CACNA1C: variants seen among roughly 807,000 people sequenced by gnomAD.
CACNA1C encodes voltage-dependent L-type calcium channel subunit alpha-1C.
A neutral mutation model predicts 229.0 loss-of-function variants in CACNA1C; 30 were observed. The observed-to-expected ratio is 0.13, with a 90% confidence interval of 0.10 to 0.18. The LOEUF (loss-of-function observed/expected upper bound fraction) is 0.18. Among genes scored for constraint, CACNA1C ranks in the 10% least tolerant of loss-of-function variants. The pLI, the probability that CACNA1C is intolerant of heterozygous loss-of-function variation, is 1.00. For synonymous variants in CACNA1C, 1,114 were observed against 1,132.5 expected (o/e 0.98, Z 0.33); for missense variants, 1,658 against 2,845.0 (o/e 0.58, Z 9.49).
At chr12:2,567,870 G>A in intron 13 of CACNA1C, 76 bp downstream of exon 13, 1 of 836,162 alleles carries the variant, frequency 1.2e-6, no homozygotes, top group Non-Finnish European at 1.9e-6. Context: ...AGGTGGCAAG[G>A]CCTGGGTGGG....
rs2154551529 is a variant in CACNA1C at position 2,403,043 on chromosome 12, A to G, written c.478-45933A>G. ...GGATCTTCAAGTTAGGGGCATTAGA[A>G]TAGCACTGTGGGGCAGGGCAGAGGG... On this transcript the variant is annotated intron_variant, in intron 3 of 46. Coordinates refer to ENST00000399655, the MANE Select transcript of CACNA1C (RefSeq NM_000719.7). The surrounding 1 kb of genome is among the most constrained non-coding windows in gnomAD (Gnocchi z 4.1). Among the ~76,000 whole-genome samples the G allele has an allele frequency of 6.6e-6, 1 of 152,314 alleles. No individual in the cohort carries two copies. The highest frequency in any genetic ancestry group is 1.5e-5 in the Non-Finnish European group (1 of 68,030).
chr12:2,555,082 C>T (rs2043339733), intron 10 of CACNA1C, among the ~76,000 whole-genome samples: 1 of 152,252 alleles, frequency 6.6e-6, no homozygotes, highest in Non-Finnish European at 1.5e-5. Context: ...ATTTCGTGCT[C>T]AGAATGTGCC....
At chr12:2,081,770 A>G (rs766952330) in intron 1 of CACNA1C, among the ~76,000 whole-genome samples, 6 of 152,130 alleles carry the variant, frequency 3.9e-5, no homozygotes, top group Non-Finnish European at 8.8e-5. Context: ...GTGGGTGCAA[A>G]GATCAGAATT....
intron 8 of CACNA1C, among the ~76,000 whole-genome samples, chr12:2,511,774 G>A (rs1598488487): frequency 6.6e-6 from 1 of 152,214 alleles, no homozygotes; most frequent in Non-Finnish European, 1.5e-5. Context: ...AAGTGAATTC[G>A]AAGTCAGAGA....
At chr12:2,623,032 A>C (rs561523454) in intron 29 of CACNA1C, among the ~76,000 whole-genome samples, 17 of 152,292 alleles carry the variant, frequency 1.1e-4, no homozygotes, top group African/African-American at 3.8e-4. Context: ...TGTACAGGGA[A>C]ATGCCTTAAA....
At chr12:2,094,577 G>A (rs1270274623) in intron 1 of CACNA1C, among the ~76,000 whole-genome samples, 1 of 152,184 alleles carries the variant, frequency 6.6e-6, no homozygotes, top group African/African-American at 2.4e-5. Context: ...TAGGACCTTA[G>A]AGGTCATTTG....
chr12:2,562,558 G>A (rs1451131441), intron 11 of CACNA1C, among the ~76,000 whole-genome samples: 1 of 152,148 alleles, frequency 6.6e-6, no homozygotes, highest in African/African-American at 2.4e-5. Flanking sequence ...AGATAAGACT[G>A]TTTAGTATCA....
intron 3 of CACNA1C, among the ~76,000 whole-genome samples, chr12:2,341,079 C>T (rs2096849370): frequency 6.6e-6 from 1 of 152,178 alleles, no homozygotes; most frequent in Admixed American, 6.5e-5. Context: ...GGTCGAAAGC[C>T]CTGGTCCAGG....
chr12:2,610,703 A>G lies in CACNA1C; in HGVS notation c.3717+4A>G, dbSNP rs1184709095. On this transcript the variant is annotated splice_donor_region_variant and intron_variant, in intron 28 of 46. Coordinates refer to ENST00000399655, the MANE Select transcript of CACNA1C (RefSeq NM_000719.7). ...CACCATCTGCCTGGCCATGCAGGTC[A>G]GTCCCAGGAGGAGCACAGCCATGGT... The G allele has an allele frequency of 2.5e-6, 4 of 1,614,054 alleles. No homozygotes were observed. Among genetic ancestry groups the G allele is most frequent in the Admixed American group, 3.3e-5 (2 of 60,010 alleles).
intron 1 of CACNA1C, among the ~76,000 whole-genome samples, chr12:2,061,865 T>C (rs80030656): frequency 0.019 from 2,967 of 152,322 alleles, 92 homozygotes; most frequent in African/African-American, 0.058. Context: ...AAGTAAACTT[T>C]GGGTTTGGAA....
rs769782016 is a variant in CACNA1C at position 2,549,949 on chromosome 12, T to C, written c.1397T>C (p.Met466Thr). 24 of 1,601,250 alleles carry C rather than the reference T, an allele frequency of 1.5e-5. No homozygotes were observed. Among genetic ancestry groups the C allele is most frequent in the Non-Finnish European group, 2.0e-5 (23 of 1,173,728 alleles). The stretch of plus-strand genomic sequence containing the variant: ...TTCCCTTTGACTCTTGCAGTGAGCA[T>C]GCCCACCAGTGAGACCGAGTCCGTC... ...MDEEKPRNMS[M>T]PTSETESVNT... The change falls in exon 10 of 47, where the codon ATG becomes ACG. Residue 466 changes from methionine to threonine, a missense_variant. Transcript: ENST00000399655.
At chr12:2,177,634 C>CTCTCTT (rs1555275141) in intron 3 of CACNA1C, among the ~76,000 whole-genome samples, 10 of 112,872 alleles carry the variant, frequency 8.9e-5, no homozygotes, top group Non-Finnish European at 1.4e-4. Context: ...CCTTCTCTCT[C>CTCTCTT]TCTTTCTTTC....
chr12:2,310,352 A>AAAAAATAT (rs201363709), intron 3 of CACNA1C, among the ~76,000 whole-genome samples: 19 of 139,838 alleles, frequency 1.4e-4, no homozygotes, highest in African/African-American at 4.0e-4. Flanking sequence ...TAAAAAAAAA[A>AAAAAATAT]ATATATATAT....
chr12:2,259,090 T>C (rs2079066824), intron 3 of CACNA1C, among the ~76,000 whole-genome samples: 1 of 152,222 alleles, frequency 6.6e-6, no homozygotes, highest in Admixed American at 6.5e-5. Flanking sequence ...AATATTTCCT[T>C]CACTTAATTG....
At chr12:2,094,004 G>A (rs2072661778) in intron 1 of CACNA1C, among the ~76,000 whole-genome samples, 1 of 152,262 alleles carries the variant, frequency 6.6e-6, no homozygotes, top group African/African-American at 2.4e-5. Flanking sequence ...AAACTGGGCA[G>A]CTGTCACCTT....
At chr12:2,528,790 C>A (rs915515111) in intron 9 of CACNA1C, among the ~76,000 whole-genome samples, 2 of 152,126 alleles carry the variant, frequency 1.3e-5, no homozygotes, top group African/African-American at 4.8e-5. Flanking sequence ...AAAGTGAGGC[C>A]GTCGGTTATC....
chr12:2,665,813 A>G lies in CACNA1C; in HGVS notation c.4526+105A>G. The G allele has an allele frequency of 8.9e-7, 1 of 1,129,322 alleles. No homozygotes were observed. Among genetic ancestry groups the G allele is most frequent in the Non-Finnish European group, 1.2e-6 (1 of 807,420 alleles). The allele number at this position is 1,129,322 out of a possible 1,614,324, so 70.0% of individuals were successfully genotyped here. A position where few individuals can be genotyped will look rare whatever the true frequency, so the allele number is the denominator to read the frequency against. ...TTGGCCAACACTGGGTGGATCAATT[A>G]GAAACACTGGATTGTATCACACCCT... On this transcript the variant is annotated intron_variant, in intron 36 of 46. Coordinates refer to ENST00000399655, the MANE Select transcript of CACNA1C (RefSeq NM_000719.7). This position sits in a 1 kb window ranked among gnomAD's most constrained non-coding sequence, Gnocchi z 5.9.
At chr12:2,611,504 T>G (rs935629564) in intron 28 of CACNA1C, among the ~76,000 whole-genome samples, 8 of 144,334 alleles carry the variant, frequency 5.5e-5, no homozygotes, top group Non-Finnish European at 7.6e-5. Flanking sequence ...TGTTGGTTGA[T>G]AAGTGGGGAG....
chr12:2,211,365 C>T (rs1171444736), intron 3 of CACNA1C, among the ~76,000 whole-genome samples: 1 of 152,242 alleles, frequency 6.6e-6, no homozygotes, highest in Non-Finnish European at 1.5e-5. Context: ...CACATGGCTT[C>T]ACCAGGAGAG....
Sources: allele counts gnomAD v4.1 joint callset (sites outside exome capture counted in the v4.1 genomes callset), GRCh38; gene constraint gnomAD v4.1.1; non-coding constraint Gnocchi (gnomAD v3.1); transcripts MANE v1.5; gene names NCBI Gene and HGNC (gene_info 2026-07-23, HGNC 2026-07-21).